Variants in GHR observed in about 807,000 individuals in gnomAD.
The protein encoded by GHR is GH receptor.
In GHR, 35 loss-of-function variants were observed where a neutral mutation model predicts 67.1. The observed-to-expected ratio is 0.52, with a 90% CI of 0.40 to 0.69. The LOEUF is 0.69. Ranked by LOEUF, GHR falls within the 30% of genes least tolerant of loss-of-function variation. The probability of loss-of-function intolerance (pLI) is 0.00; values close to 1 mark genes in which losing one functional copy is unlikely to be tolerated. For missense variants in GHR, 792 were observed against 764.6 expected (o/e 1.04, Z -0.42); for synonymous variants, 272 against 269.1 (o/e 1.01, Z -0.10).
At position 42,721,643 on chromosome 5, in the gene GHR, A is replaced by G. The variant is rs1187547346; in HGVS notation, c.*2219A>G. On this transcript the variant is annotated 3_prime_UTR_variant, in exon 10 of 10. Coordinates refer to ENST00000230882, the MANE Select transcript of GHR (RefSeq NM_000163.5). ...CTTACTATTTCACAACAGCCTGACA[A>G]CATTTCTATAGCCAAAAATAGCTAA... 1 of 152,636 alleles carries G rather than the reference A, an allele frequency of 6.6e-6. No homozygotes were observed. Among genetic ancestry groups the G allele is most frequent in the Non-Finnish European group, 1.5e-5 (1 of 68,024 alleles). The allele number at this position is 152,636 out of a possible 1,614,324, so 9.5% of individuals were successfully genotyped here.
chr5:42,441,196 G>T (rs539833061), intron 1 of GHR, among the ~76,000 whole-genome samples: 2 of 152,308 alleles, frequency 1.3e-5, no homozygotes, highest in South Asian at 4.1e-4. Flanking sequence ...GTTGACAAGA[G>T]TGGGAATTGT....
chr5:42,556,757 A>C (rs984743746), intron 1 of GHR, among the ~76,000 whole-genome samples: 1 of 152,202 alleles, frequency 6.6e-6, no homozygotes, highest in Non-Finnish European at 1.5e-5. Context: ...CCACAGGGAT[A>C]GTTGCGGGGA....
At chr5:42,636,721 G>A (rs1754212868) in intron 3 of GHR, among the ~76,000 whole-genome samples, 1 of 152,172 alleles carries the variant, frequency 6.6e-6, no homozygotes, top group Non-Finnish European at 1.5e-5. Flanking sequence ...GGTGTAACCA[G>A]ACTTTAATAC....
intron 1 of GHR, among the ~76,000 whole-genome samples, chr5:42,563,330 T>G (rs554459355): frequency 2.4e-4 from 37 of 152,188 alleles, no homozygotes; most frequent in African/African-American, 7.7e-4. Context: ...TTAAAAAGAA[T>G]CAGGCTGGGC....
chr5:42,514,329 T>G lies in GHR; in HGVS notation c.-11-51535T>G, dbSNP rs1053724364. Reference sequence around the variant, plus strand: ...GAAGATAAATTCACACTTCACCCCTTGTTGAGATCTCCAGCCTTGCTCCTC... The same window carrying G: ...GAAGATAAATTCACACTTCACCCCTGGTTGAGATCTCCAGCCTTGCTCCTC... On this transcript the variant is annotated intron_variant, in intron 1 of 9. Transcript: ENST00000230882. 12 of 952,776 alleles carry G rather than the reference T, an allele frequency of 1.3e-5. 1 individual carries two copies. The highest frequency in any genetic ancestry group is 1.5e-5 in the Non-Finnish European group (12 of 814,484). 59.0% of individuals were successfully genotyped at this position (952,776 alleles called of 1,614,324 possible).
chr5:42,536,215 C>T (rs969627742), intron 1 of GHR, among the ~76,000 whole-genome samples: 14 of 151,950 alleles, frequency 9.2e-5, no homozygotes, highest in East Asian at 1.9e-4. Context: ...AGAGGAGTGG[C>T]GAGAGTGGGC....
intron 1 of GHR, among the ~76,000 whole-genome samples, chr5:42,528,340 G>C (rs1200207595): frequency 2.0e-5 from 3 of 152,070 alleles, no homozygotes; most frequent in African/African-American, 4.8e-5. Flanking sequence ...CAGCAGTTTA[G>C]AAGAAGTTGA....
At chr5:42,607,436 A>G (rs149398438) in intron 2 of GHR, among the ~76,000 whole-genome samples, 15 of 152,278 alleles carry the variant, frequency 9.9e-5, no homozygotes, top group African/African-American at 3.6e-4. Flanking sequence ...GAATTAACCA[A>G]TTTCTTAAAC....
Position 42,424,670 on chromosome 5 carries a change from T to C in GHR, c.-12+715T>C. 7.2e-7 allele frequency: 1 copy of C among 1,394,350 alleles called. No individual in the cohort carries two copies. The highest frequency in any genetic ancestry group is 1.2e-5 in the South Asian group (1 of 81,244). 86.4% of individuals were successfully genotyped at this position (1,394,350 alleles called of 1,614,324 possible). ...CTAGTGGTTGTAAAATCAACCAGGC[T>C]TAAAGTTTTGACAGAACTGCCAGAG... is the stretch of plus-strand genomic sequence containing the variant. On this transcript the variant is annotated intron_variant, in intron 1 of 9. Transcript: ENST00000230882. This position sits in a 1 kb window ranked among gnomAD's most constrained non-coding sequence, Gnocchi z 4.1.
intron 2 of GHR, among the ~76,000 whole-genome samples, chr5:42,615,740 A>C (rs11749684): frequency 7.7e-6 from 1 of 129,256 alleles, no homozygotes; most frequent in African/African-American, 3.7e-5. Context: ...AAAACAAAAA[A>C]CAAAAAAAAA....
intron 1 of GHR, among the ~76,000 whole-genome samples, chr5:42,449,291 T>A (rs760859890): frequency 2.6e-5 from 4 of 152,254 alleles, no homozygotes; most frequent in African/African-American, 7.2e-5. Context: ...CATTTGTTTG[T>A]GTCATCTATT....
At chr5:42,453,135 TA>T in intron 1 of GHR, among the ~76,000 whole-genome samples, 1 of 152,230 alleles carries the variant, frequency 6.6e-6, no homozygotes, top group Middle Eastern at 3.4e-3. Context: ...TTGGTGCTTG[TA>T]GGGGTGAAGA....
intron 1 of GHR, among the ~76,000 whole-genome samples, chr5:42,565,013 A>G (rs1185434421): frequency 6.6e-6 from 1 of 152,196 alleles, no homozygotes; most frequent in Non-Finnish European, 1.5e-5. Flanking sequence ...ACACCCTGGT[A>G]TATTTTTTCT....
intron 3 of GHR, among the ~76,000 whole-genome samples, chr5:42,685,666 G>T (rs1366592692): frequency 4.6e-5 from 7 of 152,106 alleles, no homozygotes. Context: ...TCTCATTGTG[G>T]TTTTGATTTG....
chr5:42,456,432 T>C (rs982956873), intron 1 of GHR, among the ~76,000 whole-genome samples: 38 of 152,360 alleles, frequency 2.5e-4, no homozygotes, highest in African/African-American at 9.1e-4. Context: ...ATCATGGGAC[T>C]ACGTCAGAAG....
At chr5:42,582,582 C>A (rs372621981) in intron 2 of GHR, among the ~76,000 whole-genome samples, 1 of 152,196 alleles carries the variant, frequency 6.6e-6, no homozygotes, top group Non-Finnish European at 1.5e-5. Context: ...GAACTCAGGA[C>A]CCACTTAATA....
chr5:42,659,690 G>A (rs577540003), intron 3 of GHR, among the ~76,000 whole-genome samples: 11 of 152,284 alleles, frequency 7.2e-5, no homozygotes, highest in East Asian at 1.9e-4. Flanking sequence ...CACAGAAGAC[G>A]GGTGATTTCT....
At chr5:42,579,147 TAGATATAGATAGATAGATAG>T (rs148794209) in intron 2 of GHR, among the ~76,000 whole-genome samples, 2 of 63,628 alleles carry the variant, frequency 3.1e-5, no homozygotes, top group East Asian at 2.9e-4. Flanking sequence ...AGATGATAGA[TAGATATAGATAGATAGATAG>T]ATAGATAGAT....
chr5:42,482,085 G>C (rs1445365250), intron 1 of GHR, among the ~76,000 whole-genome samples: 1 of 151,990 alleles, frequency 6.6e-6, no homozygotes, highest in African/African-American at 2.4e-5. Flanking sequence ...CTGTTCATTA[G>C]TTTTCCTTCT....
Sources: allele counts gnomAD v4.1 joint callset (sites outside exome capture counted in the v4.1 genomes callset), GRCh38; gene constraint gnomAD v4.1.1; non-coding constraint Gnocchi (gnomAD v3.1); transcripts MANE v1.5; gene names NCBI Gene and HGNC (gene_info 2026-07-23, HGNC 2026-07-21).